EBLN1: variants seen among roughly 807,000 people sequenced by gnomAD.
EBLN1 encodes the protein endogenous Bornavirus like nucleoprotein 1.
Under a neutral mutation model 0.8 loss-of-function variants are expected in EBLN1, and 1 was observed. The ratio of observed to expected loss-of-function variants is 1.32; its 90% CI spans 0.47 to 6.26. EBLN1 has a LOEUF of 6.26. Ranked by LOEUF, EBLN1 falls within the 30% of genes most tolerant of loss-of-function variation. The pLI is 0.15. For synonymous variants in EBLN1, 158 were observed against 158.5 expected (o/e 1.00, Z 0.02); for missense variants, 396 against 447.9 (o/e 0.88, Z 1.05).
chr10:22,214,767 C>T (rs1215009375), intron 1 of EBLN1, among the ~76,000 whole-genome samples: 1 of 152,110 alleles, frequency 6.6e-6, no homozygotes, highest in Non-Finnish European at 1.5e-5. Context: ...TACCGTAGGA[C>T]CCACCAACTG....
intron 2 of EBLN1, among the ~76,000 whole-genome samples, chr10:22,212,129 T>A (rs1261402485): frequency 6.6e-6 from 1 of 152,216 alleles, no homozygotes; most frequent in East Asian, 1.9e-4. Context: ...TAAACCACAA[T>A]GTACTGCATA....
At chr10:22,216,234 C>T (rs940156238) in intron 1 of EBLN1, among the ~76,000 whole-genome samples, 7 of 151,782 alleles carry the variant, frequency 4.6e-5, no homozygotes, top group African/African-American at 1.5e-4. Flanking sequence ...TTTAGGGACA[C>T]CTCATCTGGC....
At chr10:22,213,423 GA>G (rs1249963129) in intron 1 of EBLN1, among the ~76,000 whole-genome samples, 1 of 152,048 alleles carries the variant, frequency 6.6e-6, no homozygotes, top group Non-Finnish European at 1.5e-5. Flanking sequence ...GATCAACAAA[GA>G]CATACCTGTG....
chr10:22,211,748 C>T (rs1046339233), intron 2 of EBLN1, among the ~76,000 whole-genome samples: 29 of 151,996 alleles, frequency 1.9e-4, no homozygotes, highest in Non-Finnish European at 2.8e-4. Context: ...CCTCATCCCA[C>T]GCTACCCCAC....
At position 22,208,982 on chromosome 10, in the gene EBLN1, T is replaced by G; in HGVS notation, c.1002A>C (p.Val334=). The part of the protein sequence containing the change: ...IIPGSTITFP[V]LQMASAQKIS... ...TTTTCTGAGCAGATGCCATTTGAAG[T>G]ACAGGGAATGTAATAGTTGATCCTG... Residue 334 remains valine (V), a synonymous_variant, in exon 3 of 3, where the codon GTA becomes GTC. Transcript: ENST00000422359. 6.5e-7 allele frequency: 1 copy of G among 1,535,746 alleles called. No individual in the cohort carries two copies. The highest frequency in any genetic ancestry group is 8.7e-7 in the Non-Finnish European group (1 of 1,146,920).
rs1291144765 is a variant in EBLN1 at position 22,209,595 on chromosome 10, GC to G, written c.388del (p.Ala130ProfsTer14). 1 of 1,537,668 alleles carries G rather than the reference GC, an allele frequency of 6.5e-7. No homozygotes were observed. Among genetic ancestry groups the G allele is most frequent in the Non-Finnish European group, 8.7e-7 (1 of 1,147,988 alleles). On this transcript the variant is annotated frameshift_variant, in exon 3 of 3. Transcript: ENST00000422359. LOFTEE classifies it low-confidence loss of function (END_TRUNC). ...KFEDVLPTFT[A>X]LEMSSILRHC... ...ACGCAGAATTGATGACATCTCAAGG[GC>G]AGTGAAGGTAGGCAAAACATCTTCA...
intron 1 of EBLN1, among the ~76,000 whole-genome samples, chr10:22,214,120 A>T (rs995712259): frequency 3.3e-5 from 5 of 152,180 alleles, no homozygotes; most frequent in Admixed American, 2.0e-4. Flanking sequence ...AACTGGTTAG[A>T]TAATTGGAAG....
Position 22,209,326 on chromosome 10 carries a change from C to T in EBLN1, c.658G>A (p.Glu220Lys), listed in dbSNP as rs770466695. The T allele has an allele frequency of 5.0e-6, 8 of 1,602,378 alleles. No homozygotes were observed. The highest frequency in any genetic ancestry group is 2.2e-5 in the South Asian group (2 of 91,034). The change falls in exon 3 of 3, where the codon GAG becomes AAG. Residue 220 changes from glutamate to lysine, a missense_variant. Glu to Lys is a moderately conservative substitution (Grantham distance 56). Transcript: ENST00000422359. ...ACTACTTTAACTTGATCAAGTAGCT[C>T]GCACGCAGGGGATTCAAATTCTCCA... The part of the protein sequence containing the change: ...LFGEFESPAC[E>K]LLDQVKVVAS...
intron 1 of EBLN1, among the ~76,000 whole-genome samples, chr10:22,214,706 A>G (rs757895995): frequency 2.0e-5 from 3 of 152,180 alleles, no homozygotes; most frequent in Admixed American, 6.5e-5. Flanking sequence ...TAACATGCAT[A>G]AAAGGAGGTA....
intron 2 of EBLN1, among the ~76,000 whole-genome samples, 173 bp from the exon 3 acceptor site, chr10:22,210,200 C>T (rs1272465650): frequency 6.6e-6 from 1 of 152,084 alleles, no homozygotes; most frequent in Non-Finnish European, 1.5e-5. Context: ...GATTTTCATG[C>T]TTCTACACCT....
At position 22,208,901 on chromosome 10, in the gene EBLN1, C is replaced by T. The variant is rs1298953331; in HGVS notation, c.1083G>A (p.Gly361=). ...PYTLNILRGY[G]ISGFE Reference sequence around the variant, plus strand: ...GTATTTGTTATTCAAATCCCGAAATCCCATAACCGCGAAGGATGTTAAGTG... The same window carrying T: ...GTATTTGTTATTCAAATCCCGAAATTCCATAACCGCGAAGGATGTTAAGTG... Residue 361 remains glycine, a synonymous_variant, in exon 3 of 3, where the codon GGG becomes GGA. Transcript: ENST00000422359. The T allele has an allele frequency of 1.3e-6, 2 of 1,527,162 alleles. No individual in the cohort carries two copies. The highest frequency in any genetic ancestry group is 2.5e-5 in the East Asian group (1 of 40,804). 94.6% of individuals were successfully genotyped at this position (1,527,162 alleles called of 1,614,324 possible). A position where few individuals can be genotyped will look rare whatever the true frequency, so the allele number is the denominator to read the frequency against.
In EBLN1 at chr10:22,209,565, CA is replaced by C. The variant is rs1360924246; in HGVS notation, c.418del (p.Cys140AlafsTer4). The C allele has an allele frequency of 6.5e-7, 1 of 1,544,370 alleles. No individual in the cohort carries two copies. ...ALEMSSILRH[C>X]CDLIGIAAGS... ...GGCAGCAATGCCTATCAGATCACAG[CA>C]GTGACGCAGAATTGATGACATCTCA... On this transcript the variant is annotated frameshift_variant, in exon 3 of 3. Coordinates refer to ENST00000422359, the MANE Select transcript of EBLN1 (RefSeq NM_001394757.1). LOFTEE classifies it low-confidence loss of function (END_TRUNC).
At position 22,209,875 on chromosome 10, in the gene EBLN1, T is replaced by C; in HGVS notation, c.109A>G (p.Arg37Gly). The change falls in exon 3 of 3, where the codon AGA becomes GGA. Residue 37 changes from arginine (R) to glycine (G), a missense_variant. Arg to Gly is a moderately radical substitution (Grantham distance 125). Transcript: ENST00000422359. ...QGRFELSGKSRQYPADALEPQ... is the reference protein window; with the variant it reads ...QGRFELSGKSGQYPADALEPQ... The stretch of plus-strand genomic sequence containing the variant: ...TCCAATGCATCTGCTGGATACTGTC[T>C]GCTCTTCCCAGAGAGCTCAAATCTC... 1 of 1,516,044 alleles carries C rather than the reference T, an allele frequency of 6.6e-7. No homozygotes were observed. The allele number at this position is 1,516,044 out of a possible 1,614,324, so 93.9% of individuals were successfully genotyped here. A position where few individuals can be genotyped will look rare whatever the true frequency, so the allele number is the denominator to read the frequency against.
Position 22,209,157 on chromosome 10 carries a change from C to G in EBLN1, c.827G>C (p.Gly276Ala). The G allele has an allele frequency of 2.0e-6, 3 of 1,535,838 alleles. No individual in the cohort carries two copies. Among genetic ancestry groups the G allele is most frequent in the Non-Finnish European group, 2.6e-6 (3 of 1,146,928 alleles). ...QKKPLAKKVL[G>A]DFFEFGGVLR... ...TACACCCCCAAATTCAAAGAAATCT[C>G]CAAGTACCTTTTTAGCCAGTGGTTT... The change falls in exon 3 of 3, where the codon GGA becomes GCA. Residue 276 changes from glycine to alanine, a missense_variant. Gly to Ala is a moderately conservative substitution (Grantham distance 60). Transcript: ENST00000422359.
At chr10:22,213,858 A>C (rs1026274171) in intron 1 of EBLN1, among the ~76,000 whole-genome samples, 3 of 152,240 alleles carry the variant, frequency 2.0e-5, no homozygotes, top group African/African-American at 7.2e-5. Context: ...AGAGTCACTA[A>C]GAAATGTTTG....
At position 22,209,307 on chromosome 10, in the gene EBLN1, T is replaced by G. The variant is rs996880167; in HGVS notation, c.677A>C (p.Lys226Thr). 6.3e-7 allele frequency: 1 copy of G among 1,599,118 alleles called. No homozygotes were observed. The highest frequency in any genetic ancestry group is 1.3e-5 in the African/African-American group (1 of 74,916). ...CATCTGTGCTTTGCTGGCAACTACT[T>G]TAACTTGATCAAGTAGCTCGCACGC... ...SPACELLDQV[K>T]VVASKAQMMT... The change falls in exon 3 of 3, where the codon AAA becomes ACA. Residue 226 changes from lysine to threonine, a missense_variant. By Grantham distance (78) the Lys-to-Thr change is moderately conservative. Transcript: ENST00000422359.
rs1262390726 is a variant in EBLN1 at position 22,209,681 on chromosome 10, C to A, written c.303G>T (p.Arg101Ser). The A allele has an allele frequency of 3.3e-6, 5 of 1,535,824 alleles. No homozygotes were observed. The highest frequency in any genetic ancestry group is 3.3e-4 in the Middle Eastern group (2 of 5,990). ...KALLSVGVSK[R>S]SNIVIGNENK... ...TCTCATTCCCAATCACAATATTAGACCTTTTGCTCACACCGACACTGAGTA... is the reference window on the plus strand; with the variant it reads ...TCTCATTCCCAATCACAATATTAGAACTTTTGCTCACACCGACACTGAGTA... Residue 101 changes from arginine (R) to serine (S), a missense_variant, in exon 3 of 3, where the codon AGG becomes AGT. Physicochemically the swap from Arg to Ser is moderately radical, Grantham distance 110. Coordinates refer to ENST00000422359, the MANE Select transcript of EBLN1 (RefSeq NM_001394757.1).
rs749085617 is a variant in EBLN1, at chr10:22,208,980, A to G, written c.1004T>C (p.Leu335Pro). The G allele has an allele frequency of 1.1e-5, 17 of 1,535,606 alleles. No individual in the cohort carries two copies. In the South Asian group the frequency reaches 2.0e-4, roughly 18 times the overall value. ...GATTTTCTGAGCAGATGCCATTTGA[A>G]GTACAGGGAATGTAATAGTTGATCC... The part of the protein sequence containing the change: ...IPGSTITFPV[L>P]QMASAQKISR... The change falls in exon 3 of 3, where the codon CTT (leucine) becomes CCT (proline). Residue 335 changes from leucine (L) to proline (P), a missense_variant. Coordinates refer to ENST00000422359, the MANE Select transcript of EBLN1 (RefSeq NM_001394757.1).
chr10:22,213,186 A>T (rs962819405), intron 1 of EBLN1, among the ~76,000 whole-genome samples: 4 of 152,156 alleles, frequency 2.6e-5, no homozygotes, highest in African/African-American at 9.7e-5. Flanking sequence ...TTTATTAAAG[A>T]CCTTCAGTAT....
Sources: allele counts gnomAD v4.1 joint callset (sites outside exome capture counted in the v4.1 genomes callset), GRCh38; gene constraint gnomAD v4.1.1; transcripts MANE v1.5; gene names NCBI Gene and HGNC (gene_info 2026-07-23, HGNC 2026-07-21).